ZNF475: variants seen among roughly 807,000 people sequenced by gnomAD.
The protein encoded by ZNF475 is zinc finger protein 475.
At chr5:122,182,390 CT>C in the ZNF475 span, 1 of 844,578 alleles carries the variant, frequency 1.2e-6, no homozygotes, top group African/African-American at 1.7e-5. Flanking sequence ...GAATATGGTT[CT>C]CCCGAATAAA....
chr5:122,178,996 C>A, the ZNF475 span, among the ~76,000 whole-genome samples: 2 of 152,122 alleles, frequency 1.3e-5, no homozygotes, highest in Admixed American at 6.5e-5. Flanking sequence ...ATAGGGAATC[C>A]TTTCCCCATT....
chr5:122,162,121 G>A, the ZNF475 span: 1 of 152,044 alleles, frequency 6.6e-6, no homozygotes, highest in Non-Finnish European at 1.5e-5. Flanking sequence ...TAAAATGTCA[G>A]GCATGCATTG....
At chr5:122,166,007 G>A in the ZNF475 span, among the ~76,000 whole-genome samples, 2 of 152,190 alleles carry the variant, frequency 1.3e-5, no homozygotes, top group Non-Finnish European at 2.9e-5. Flanking sequence ...CTTCCAATGT[G>A]TGAATGCAGG....
At chr5:122,182,483 C>T in the ZNF475 span, 28 of 1,420,614 alleles carry the variant, frequency 2.0e-5, no homozygotes, top group Admixed American at 3.9e-4. Flanking sequence ...TTTCCTTTAA[C>T]TTTCCAGCCA....
the ZNF475 span, among the ~76,000 whole-genome samples, chr5:122,168,517 C>T: frequency 2.9e-3 from 448 of 152,226 alleles, 4 homozygotes; most frequent in African/African-American, 0.011. Context: ...GAGACCATCC[C>T]CTGGCTAACA....
At chr5:122,180,381 A>G in the ZNF475 span, among the ~76,000 whole-genome samples, 1 of 152,264 alleles carries the variant, frequency 6.6e-6, no homozygotes, top group Non-Finnish European at 1.5e-5. Flanking sequence ...CTAGAAATCT[A>G]GACATCTATT....
At chr5:122,178,971 A>G in the ZNF475 span, among the ~76,000 whole-genome samples, 3 of 152,104 alleles carry the variant, frequency 2.0e-5, no homozygotes, top group Non-Finnish European at 4.4e-5. Context: ...CAGTTTTCCC[A>G]ATATCATTTA....
At chr5:122,176,133 T>G in the ZNF475 span, among the ~76,000 whole-genome samples, 1 of 152,174 alleles carries the variant, frequency 6.6e-6, no homozygotes, top group Admixed American at 6.5e-5. Context: ...TCCAGAATCT[T>G]TTGTCTGCAT....
the ZNF475 span, among the ~76,000 whole-genome samples, chr5:122,160,718 A>G: frequency 6.6e-6 from 1 of 152,210 alleles, no homozygotes; most frequent in Admixed American, 6.5e-5. Flanking sequence ...TAGGCGTAAA[A>G]TGAACAAAAA....
the ZNF475 span, among the ~76,000 whole-genome samples, chr5:122,167,085 G>A: frequency 1.3e-5 from 2 of 152,144 alleles, no homozygotes; most frequent in Admixed American, 6.5e-5. Flanking sequence ...AATCCATCTT[G>A]AATTAATTTT....
At chr5:122,164,708 G>T in the ZNF475 span, among the ~76,000 whole-genome samples, 1 of 152,186 alleles carries the variant, frequency 6.6e-6, no homozygotes, top group Non-Finnish European at 1.5e-5. Context: ...AGGACCAAAA[G>T]TCCAGGATCC....
At chr5:122,165,436 G>C in the ZNF475 span, among the ~76,000 whole-genome samples, 1 of 152,152 alleles carries the variant, frequency 6.6e-6, no homozygotes, top group African/African-American at 2.4e-5. Context: ...ACAGGGTAAG[G>C]ATTGTCATGT....
At chr5:122,163,815 C>A in the ZNF475 span, among the ~76,000 whole-genome samples, 1 of 152,204 alleles carries the variant, frequency 6.6e-6, no homozygotes. Flanking sequence ...TCTTGGAAAT[C>A]GGTCTCATGC....
At chr5:122,178,917 G>T in the ZNF475 span, among the ~76,000 whole-genome samples, 1 of 152,250 alleles carries the variant, frequency 6.6e-6, no homozygotes, top group South Asian at 2.1e-4. Flanking sequence ...TTTGTATAAG[G>T]TGTAAGGAAG....
chr5:122,162,180 A>C, the ZNF475 span: 1 of 152,232 alleles, frequency 6.6e-6, no homozygotes, highest in African/African-American at 2.4e-5. Context: ...AAGATAGTTT[A>C]ATAAAAACAA....
chr5:122,168,778 T>C, the ZNF475 span, among the ~76,000 whole-genome samples: 1 of 152,228 alleles, frequency 6.6e-6, no homozygotes, highest in Non-Finnish European at 1.5e-5. Flanking sequence ...CTCAAAGATA[T>C]GAAGTCCTCA....
At chr5:122,160,759 A>G in the ZNF475 span, among the ~76,000 whole-genome samples, 1 of 152,204 alleles carries the variant, frequency 6.6e-6, no homozygotes, top group Admixed American at 6.5e-5. Flanking sequence ...CGAAAAGTTA[A>G]TCTAACTTAA....
the ZNF475 span, among the ~76,000 whole-genome samples, chr5:122,172,409 A>T: frequency 7.9e-4 from 120 of 152,306 alleles, 2 homozygotes; most frequent in African/African-American, 2.8e-3. Flanking sequence ...CCCCTTTAAC[A>T]ATGAATCATC....
the ZNF475 span, among the ~76,000 whole-genome samples, chr5:122,176,310 T>A: frequency 5.9e-5 from 9 of 152,280 alleles, no homozygotes; most frequent in East Asian, 1.4e-3. Flanking sequence ...TTTTTTTCTG[T>A]GTGAATAGCT....
Sources: gnomAD v4.1 joint callset for allele counts (sites outside exome capture counted in the v4.1 genomes callset) on GRCh38, gnomAD v4.1.1 for gene constraint, MANE v1.5 for transcripts, NCBI Gene and HGNC (gene_info 2026-07-23, HGNC 2026-07-21) for gene names.